NTRK2: variants seen among roughly 807,000 people sequenced by gnomAD.
The protein encoded by NTRK2 is neurotrophic receptor tyrosine kinase 2.
In NTRK2, 13 loss-of-function variants were observed where a neutral mutation model predicts 94.5. That is an observed-to-expected ratio of 0.14 (90% CI 0.09 to 0.22). The LOEUF is 0.22. Ranked by LOEUF, NTRK2 falls within the 10% of genes least tolerant of loss-of-function variation. NTRK2 has a pLI of 1.00. For missense variants in NTRK2, 639 were observed against 1,071.2 expected (o/e 0.60, Z 5.63); for synonymous variants, 372 against 407.4 (o/e 0.91, Z 1.05).
chr9:84,741,795 T>C, intron 9 of NTRK2, 97 bp from the exon 10 acceptor site: 1 of 1,028,562 alleles, frequency 9.7e-7, no homozygotes, highest in Non-Finnish European at 1.5e-6. Flanking sequence ...ATTGCAAAAC[T>C]TCAGTGTATG....
chr9:84,836,955 T>C lies in NTRK2; in HGVS notation c.1397-24085T>C, dbSNP rs557047941. On this transcript the variant is annotated intron_variant, in intron 12 of 18. Coordinates refer to ENST00000277120, the MANE Select transcript of NTRK2 (RefSeq NM_006180.6). Reference sequence around the variant, plus strand: ...TAGAGTATAATATAATATAATATAATATAATATAATATAATATAATATAAT... The same window carrying C: ...TAGAGTATAATATAATATAATATAACATAATATAATATAATATAATATAAT... 4.2e-4 allele frequency among the ~76,000 whole-genome samples: 60 copies of C among 144,374 alleles called. No individual in the cohort carries two copies. In the South Asian group the frequency reaches 0.013, roughly 30 times the overall value. The allele number at this position is 144,374 out of a possible 152,430, so 94.7% of individuals were successfully genotyped here. A position where few individuals can be genotyped will look rare whatever the true frequency, so the allele number is the denominator to read the frequency against.
At chr9:84,914,256 T>C (rs945276121) in intron 14 of NTRK2, among the ~76,000 whole-genome samples, 1 of 152,232 alleles carries the variant, frequency 6.6e-6, no homozygotes, top group Non-Finnish European at 1.5e-5. Flanking sequence ...AATTGCTCAT[T>C]GAAGCATTTT....
At chr9:84,843,606 G>A (rs575984913) in intron 12 of NTRK2, among the ~76,000 whole-genome samples, 8 of 152,306 alleles carry the variant, frequency 5.3e-5, no homozygotes, top group South Asian at 2.1e-4. Flanking sequence ...GGTGGGTCAC[G>A]TGCAGCTTGG....
chr9:84,876,083 TATTA>T (rs2076055265), intron 14 of NTRK2: 6 of 1,033,208 alleles, frequency 5.8e-6, no homozygotes, highest in Middle Eastern at 4.5e-4. Flanking sequence ...ATGCTGTTAC[TATTA>T]ATTAACACAT....
chr9:84,907,738 G>T (rs1322519013), intron 14 of NTRK2, among the ~76,000 whole-genome samples: 1 of 146,900 alleles, frequency 6.8e-6, no homozygotes, highest in East Asian at 2.0e-4. Flanking sequence ...TGGTTTTACA[G>T]ATCTGATATA....
At chr9:84,768,779 G>A (rs879652527) in intron 12 of NTRK2, among the ~76,000 whole-genome samples, 5 of 152,110 alleles carry the variant, frequency 3.3e-5, no homozygotes, top group African/African-American at 1.2e-4. Context: ...GGACATGTGG[G>A]AATTCATAGC....
intron 14 of NTRK2, among the ~76,000 whole-genome samples, chr9:84,894,484 T>C (rs990591799): frequency 2.0e-5 from 3 of 152,172 alleles, no homozygotes; most frequent in Non-Finnish European, 4.4e-5. Context: ...ACCCATCAGA[T>C]ACTACTCAGC....
intron 12 of NTRK2, among the ~76,000 whole-genome samples, chr9:84,800,732 C>A (rs2070325341): frequency 6.6e-6 from 1 of 152,196 alleles, no homozygotes; most frequent in Non-Finnish European, 1.5e-5. Flanking sequence ...CAGGACCCAC[C>A]ATTTGGCTGG....
At chr9:84,742,477 T>C (rs2063719644) in intron 10 of NTRK2, among the ~76,000 whole-genome samples, 1 of 152,140 alleles carries the variant, frequency 6.6e-6, no homozygotes, top group Non-Finnish European at 1.5e-5. Flanking sequence ...TACAAGAGAA[T>C]GTGGCGGGGG....
chr9:84,716,652 G>C (rs1161452030), intron 6 of NTRK2, among the ~76,000 whole-genome samples: 1 of 152,168 alleles, frequency 6.6e-6, no homozygotes, highest in Non-Finnish European at 1.5e-5. Flanking sequence ...TTAGTGTACT[G>C]CTTTGGTTTA....
chr9:84,759,862 A>AT (rs2065398172), intron 12 of NTRK2, among the ~76,000 whole-genome samples: 1 of 151,258 alleles, frequency 6.6e-6, no homozygotes, highest in Non-Finnish European at 1.5e-5. Flanking sequence ...CTAACATCTG[A>AT]TTTTGGTGGA....
At chr9:84,753,437 AAC>A (rs1384719168) in intron 12 of NTRK2, among the ~76,000 whole-genome samples, 1 of 152,082 alleles carries the variant, frequency 6.6e-6, no homozygotes, top group African/African-American at 2.4e-5. Context: ...TGGCATTTCT[AAC>A]AGTTTCTGGA....
At chr9:84,993,671 T>C (rs1829374033) in intron 17 of NTRK2, among the ~76,000 whole-genome samples, 2 of 152,208 alleles carry the variant, frequency 1.3e-5, no homozygotes, top group African/African-American at 4.8e-5. Flanking sequence ...AAATCCTTTC[T>C]CTGGCCTGCG....
At chr9:84,873,373 T>G in intron 14 of NTRK2, 1 of 1,058,876 alleles carries the variant, frequency 9.4e-7, no homozygotes, top group Non-Finnish European at 1.1e-6. Context: ...AATGCACTTA[T>G]TTTAGGATCC....
intron 14 of NTRK2, among the ~76,000 whole-genome samples, chr9:84,887,238 T>C (rs559041771): frequency 8.5e-5 from 13 of 152,322 alleles, no homozygotes; most frequent in Admixed American, 5.9e-4. Flanking sequence ...AGGCCCAAAC[T>C]GGTGTTTTAT....
intron 11 of NTRK2, 60 bp downstream of exon 11, chr9:84,745,133 G>C: frequency 8.9e-7 from 1 of 1,120,362 alleles, no homozygotes; most frequent in Non-Finnish European, 1.4e-6. Context: ...CTCCATGTTA[G>C]AGGAATGTAG....
intron 12 of NTRK2, among the ~76,000 whole-genome samples, chr9:84,843,084 T>G (rs1173072506): frequency 6.6e-6 from 1 of 152,224 alleles, no homozygotes; most frequent in East Asian, 1.9e-4. Flanking sequence ...TGGGGGGTCA[T>G]AGCATCTACT....
intron 13 of NTRK2, 119 bp downstream of exon 13, chr9:84,861,206 T>C (rs2075324456): frequency 6.0e-6 from 5 of 831,472 alleles, no homozygotes; most frequent in Non-Finnish European, 9.6e-6. Flanking sequence ...GTGTTCCTGG[T>C]TTTTGATTTG....
chr9:84,711,188 T>C (rs2061399326), intron 6 of NTRK2, among the ~76,000 whole-genome samples: 2 of 152,352 alleles, frequency 1.3e-5, no homozygotes, highest in African/African-American at 4.8e-5. Context: ...CTCAGGGTGA[T>C]GAAAGTGTCC....
Sources: gnomAD v4.1 joint callset for allele counts (sites outside exome capture counted in the v4.1 genomes callset) on GRCh38, gnomAD v4.1.1 for gene constraint, MANE v1.5 for transcripts, NCBI Gene and HGNC (gene_info 2026-07-23, HGNC 2026-07-21) for gene names.